Variants in SORBS2 observed in about 807,000 individuals in gnomAD.
SORBS2 encodes sorbin and SH3 domain containing 2.
Under a neutral mutation model 97.7 loss-of-function variants are expected in SORBS2, and 46 were observed. That is an observed-to-expected ratio of 0.47 (90% CI 0.37 to 0.60). The LOEUF (loss-of-function observed/expected upper bound fraction) is 0.60, where lower values mean the gene tolerates loss of function less well. Among genes scored for constraint, SORBS2 ranks in the 20% least tolerant of loss-of-function variants. SORBS2 has a pLI of 0.00. For synonymous variants in SORBS2, 476 were observed against 473.4 expected (o/e 1.01, Z -0.07); for missense variants, 1,316 against 1,282.3 (o/e 1.03, Z -0.40).
intron 2 of SORBS2, among the ~76,000 whole-genome samples, chr4:185,718,940 A>C (rs1279839769): frequency 2.0e-5 from 3 of 152,242 alleles, no homozygotes; most frequent in African/African-American, 7.2e-5. Context: ...TGTCATGTGG[A>C]AACTCAGAGT....
chr4:185,665,473 C>T (rs1175241014), intron 4 of SORBS2, among the ~76,000 whole-genome samples: 3 of 152,122 alleles, frequency 2.0e-5, no homozygotes, highest in Non-Finnish European at 4.4e-5. Flanking sequence ...TAGAACTTAC[C>T]AGCTACAGTA....
intron 4 of SORBS2, among the ~76,000 whole-genome samples, chr4:185,644,064 A>T (rs2097171293): frequency 1.3e-5 from 2 of 152,200 alleles, no homozygotes; most frequent in Admixed American, 6.5e-5. Context: ...TTTTTTAAAA[A>T]GATGATGAGC....
chr4:185,718,240 A>G (rs941679589), intron 2 of SORBS2, among the ~76,000 whole-genome samples: 9 of 152,244 alleles, frequency 5.9e-5, no homozygotes, highest in South Asian at 4.2e-4. Flanking sequence ...GAAAAAAAAA[A>G]AGAAAATATG....
At chr4:185,905,102 CA>C (rs201976720) in intron 1 of SORBS2, among the ~76,000 whole-genome samples, 1,632 of 141,062 alleles carry the variant, frequency 0.012, 32 homozygotes, top group African/African-American at 0.036. Context: ...GAAACTCTGT[CA>C]AAAAAAAAAA....
intron 2 of SORBS2, among the ~76,000 whole-genome samples, chr4:185,698,943 G>A (rs536841379): frequency 3.3e-5 from 5 of 152,028 alleles, no homozygotes; most frequent in East Asian, 3.9e-4. Flanking sequence ...GTAATGTTAC[G>A]TGGTGAAAGT....
rs750903976 is a variant in SORBS2 at position 185,589,660 on chromosome 4, G to A, written c.2953+19C>T. On this transcript the variant is annotated intron_variant, in intron 14 of 14. Coordinates refer to ENST00000418609, the Ensembl canonical transcript of SORBS2. ...AATTACAAAATAGCCGAAGGTGCCTGAGGAAGAAGCGCACATACCCACAAA... is the reference window on the plus strand; with the variant it reads ...AATTACAAAATAGCCGAAGGTGCCTAAGGAAGAAGCGCACATACCCACAAA... The A allele has an allele frequency of 1.1e-5, 16 of 1,459,590 alleles. No homozygotes were observed. The South Asian group carries it at 1.7e-4, about 16-fold the overall frequency. The allele number at this position is 1,459,590 out of a possible 1,614,324, so 90.4% of individuals were successfully genotyped here.
intron 1 of SORBS2, among the ~76,000 whole-genome samples, chr4:185,795,910 C>T (rs541826282): frequency 6.6e-6 from 1 of 152,314 alleles, no homozygotes; most frequent in East Asian, 1.9e-4. Context: ...AAACCATAGC[C>T]TGCTTCTACT....
At chr4:185,773,418 T>A (rs1162774163) in intron 2 of SORBS2, 1 of 152,224 alleles carries the variant, frequency 6.6e-6, no homozygotes, top group Non-Finnish European at 1.5e-5. Flanking sequence ...AGACTGAACA[T>A]CTCTAGGTTT....
At chr4:185,913,400 T>G (rs1360004324) in intron 1 of SORBS2, among the ~76,000 whole-genome samples, 5 of 152,228 alleles carry the variant, frequency 3.3e-5, no homozygotes, top group African/African-American at 1.2e-4. Flanking sequence ...TAGGTTGACC[T>G]GACAGACCAA....
intron 2 of SORBS2, among the ~76,000 whole-genome samples, chr4:185,769,111 A>C (rs2310356): frequency 6.6e-6 from 1 of 151,532 alleles, no homozygotes; most frequent in Admixed American, 6.6e-5. Context: ...CTTAGCATGA[A>C]GGTGTAAGTC....
chr4:185,722,322 G>A (rs1484818479), intron 2 of SORBS2, among the ~76,000 whole-genome samples: 9 of 152,122 alleles, frequency 5.9e-5, no homozygotes, highest in Non-Finnish European at 1.2e-4. Context: ...TCTTTGGATC[G>A]CAAAATGATT....
chr4:185,727,726 T>C (rs1219877380), intron 2 of SORBS2, among the ~76,000 whole-genome samples: 1 of 152,242 alleles, frequency 6.6e-6, no homozygotes, highest in African/African-American at 2.4e-5. Flanking sequence ...GCTTATTTTA[T>C]TTTGATACGA....
Position 185,630,535 on chromosome 4 carries a change from A to G in SORBS2, c.446+14T>C, listed in dbSNP as rs771455925. ...GGTATAGAATATTCTGCTACAACAT[A>G]ATAAGATTCTTACCTCATGGGTCTT... On this transcript the variant is annotated intron_variant, in intron 5 of 14. Coordinates refer to ENST00000418609, the Ensembl canonical transcript of SORBS2. 3.9e-6 allele frequency: 6 copies of G among 1,539,738 alleles called. No homozygotes were observed. Among genetic ancestry groups the G allele is most frequent in the South Asian group, 3.5e-5 (3 of 84,990 alleles).
At chr4:185,751,796 T>C (rs765378793) in intron 2 of SORBS2, among the ~76,000 whole-genome samples, 18 of 152,150 alleles carry the variant, frequency 1.2e-4, no homozygotes, top group Non-Finnish European at 2.6e-4. Context: ...AACTCCAAGA[T>C]GCACTGGAGA....
At chr4:185,701,355 A>G (rs992024258) in intron 2 of SORBS2, among the ~76,000 whole-genome samples, 6 of 152,178 alleles carry the variant, frequency 3.9e-5, no homozygotes, top group African/African-American at 1.4e-4. Flanking sequence ...TCTTGTTCGC[A>G]TCGACTCTAC....
At chr4:185,612,057 G>GAAAAAAAAA in intron 11 of SORBS2, 77 bp from the exon 24 acceptor site, 1 of 1,108,374 alleles carries the variant, frequency 9.0e-7, no homozygotes, top group Admixed American at 2.3e-5. Flanking sequence ...TGTTTTCTAT[G>GAAAAAAAAA]AAAAAATAGG....
chr4:185,849,378 T>C (rs2099216477), intron 1 of SORBS2, among the ~76,000 whole-genome samples: 2 of 152,192 alleles, frequency 1.3e-5, no homozygotes, highest in Admixed American at 6.5e-5. Flanking sequence ...AAAAAGTCTT[T>C]TTCATTATTT....
chr4:185,887,469 C>T (rs956943243), intron 1 of SORBS2, among the ~76,000 whole-genome samples: 2 of 152,190 alleles, frequency 1.3e-5, no homozygotes, highest in East Asian at 1.9e-4. Context: ...TTGCGGGCAT[C>T]GCAGACCGTG....
At position 185,930,593 on chromosome 4, in the gene SORBS2, C is replaced by T. The variant is rs184161644; in HGVS notation, c.-338+25603G>A. On this transcript the variant is annotated intron_variant, in intron 1 of 20. Transcript: ENST00000284776. ...GATTACAGGTGTGAGCCACTGCTCCCGGCCCTGGATAGAGTTTTAAACTGG... is the reference window on the plus strand; with the variant it reads ...GATTACAGGTGTGAGCCACTGCTCCTGGCCCTGGATAGAGTTTTAAACTGG... Among the ~76,000 whole-genome samples the T allele has an allele frequency of 2.6e-3, 390 of 152,252 alleles. 3 individuals carry two copies. Among genetic ancestry groups the T allele is most frequent in the African/African-American group, 8.9e-3 (370 of 41,546 alleles).
Sources: gnomAD v4.1 joint callset for allele counts (sites outside exome capture counted in the v4.1 genomes callset) on GRCh38, gnomAD v4.1.1 for gene constraint, MANE v1.5 for transcripts, NCBI Gene and HGNC (gene_info 2026-07-23, HGNC 2026-07-21) for gene names.